Variants in SPATA6L observed in about 807,000 individuals in gnomAD.
SPATA6L encodes spermatogenesis associated 6-like protein.
Under a neutral mutation model 49.2 loss-of-function variants are expected in SPATA6L, and 68 were observed. The observed-to-expected ratio is 1.38, with a 90% confidence interval of 1.14 to 1.69. The LOEUF (loss-of-function observed/expected upper bound fraction) is 1.69, where lower values mean the gene tolerates loss of function less well. Ranked by LOEUF, SPATA6L falls within the 40% of genes most tolerant of loss-of-function variation. SPATA6L has a pLI of 0.00. For missense variants in SPATA6L, 668 were observed against 464.3 expected (o/e 1.44, Z -4.03); for synonymous variants, 198 against 165.7 (o/e 1.19, Z -1.50).
At chr9:4,606,922 G>A (rs1394330505) in intron 9 of SPATA6L, among the ~76,000 whole-genome samples, 1 of 142,706 alleles carries the variant, frequency 7.0e-6, no homozygotes, top group Non-Finnish European at 1.5e-5. Flanking sequence ...TGTATAACTA[G>A]AATAATCAAT....
At chr9:4,607,476 T>TG (rs1354289509) in intron 9 of SPATA6L, among the ~76,000 whole-genome samples, 2 of 151,860 alleles carry the variant, frequency 1.3e-5, no homozygotes, top group African/African-American at 4.8e-5. Flanking sequence ...CAGAAGAGAG[T>TG]GGGGGCCAAT....
At chr9:4,594,534 AC>A (rs1311410721), downstream of SPATA6L, among the ~76,000 whole-genome samples, 1 of 152,090 alleles carries the variant, frequency 6.6e-6, no homozygotes, top group African/African-American at 2.4e-5. Context: ...TTTAAAAATC[AC>A]CATTATTTCC....
At chr9:4,630,098 A>G (rs1831219268) in intron 4 of SPATA6L, among the ~76,000 whole-genome samples, 1 of 152,042 alleles carries the variant, frequency 6.6e-6, no homozygotes. Flanking sequence ...CATTCTCAAA[A>G]AAACAAAACT....
intron 7 of SPATA6L, among the ~76,000 whole-genome samples, chr9:4,620,336 C>G (rs747780204): frequency 2.0e-5 from 3 of 152,178 alleles, no homozygotes; most frequent in Non-Finnish European, 4.4e-5. Context: ...CTCCTTCCTA[C>G]CGGTTTTGAG....
chr9:4,599,350 T>C lies in SPATA6L; in HGVS notation c.*1461A>G, dbSNP rs1822701005. 6.6e-6 allele frequency among the ~76,000 whole-genome samples: 1 copy of C among 152,242 alleles called. No individual in the cohort carries two copies. The highest frequency in any genetic ancestry group is 1.5e-5 in the Non-Finnish European group (1 of 68,032). On this transcript the variant is annotated 3_prime_UTR_variant, in exon 12 of 12. Transcript: ENST00000682582. The stretch of plus-strand genomic sequence containing the variant: ...AAGAGGATAAATGAATTTTGTTTTG[T>C]TGTTTTTGTTTTTGGAGTTCCTTTT...
chr9:4,663,333 G>T, intron 1 of SPATA6L: 1 of 1,494,422 alleles, frequency 6.7e-7, no homozygotes, highest in Non-Finnish European at 9.2e-7. Flanking sequence ...ACCTAAACCA[G>T]CAGCCATCCC....
At chr9:4,628,164 AGAAT>A (rs903690369) in intron 5 of SPATA6L, 13 of 209,378 alleles carry the variant, frequency 6.2e-5, no homozygotes, top group African/African-American at 2.9e-4. Flanking sequence ...AAAAATACAA[AGAAT>A]GAATAAGATC....
intron 3 of SPATA6L, among the ~76,000 whole-genome samples, chr9:4,654,888 G>C (rs1261289797): frequency 1.3e-5 from 2 of 152,160 alleles, no homozygotes; most frequent in African/African-American, 4.8e-5. Flanking sequence ...AGGAGTGCCT[G>C]TCCTCACCTA....
chr9:4,657,240 A>C (rs758954901), intron 2 of SPATA6L, among the ~76,000 whole-genome samples: 5 of 152,152 alleles, frequency 3.3e-5, no homozygotes, highest in Non-Finnish European at 7.3e-5. Context: ...CATATAATCA[A>C]TTTTTGTCCT....
intron 9 of SPATA6L, among the ~76,000 whole-genome samples, chr9:4,612,300 A>C (rs879769749): frequency 6.6e-6 from 1 of 152,156 alleles, no homozygotes; most frequent in Non-Finnish European, 1.5e-5. Flanking sequence ...TCCTACCACC[A>C]GGACTTTATC....
intron 3 of SPATA6L, among the ~76,000 whole-genome samples, chr9:4,640,057 G>T (rs1833703986): frequency 6.6e-6 from 1 of 152,198 alleles, no homozygotes; most frequent in African/African-American, 2.4e-5. Flanking sequence ...TGCTATAAAA[G>T]CACTGCTATA....
At chr9:4,615,774 C>T (rs925836081) in intron 9 of SPATA6L, among the ~76,000 whole-genome samples, 2 of 152,156 alleles carry the variant, frequency 1.3e-5, no homozygotes, top group African/African-American at 4.8e-5. Context: ...CCATTGCCCC[C>T]AACAGTTGCC....
intron 3 of SPATA6L, among the ~76,000 whole-genome samples, chr9:4,644,337 T>G (rs1834797769): frequency 1.3e-5 from 2 of 151,460 alleles, no homozygotes; most frequent in Admixed American, 6.6e-5. Context: ...AGTGAGATCT[T>G]GTCTCAAAAA....
intron 7 of SPATA6L, among the ~76,000 whole-genome samples, chr9:4,620,699 C>T (rs142299614): frequency 6.6e-6 from 1 of 152,300 alleles, no homozygotes; most frequent in East Asian, 1.9e-4. Flanking sequence ...GTGACCTTTA[C>T]ACACATTGTA....
intron 3 of SPATA6L, among the ~76,000 whole-genome samples, chr9:4,639,644 T>C (rs954919561): frequency 3.3e-5 from 5 of 152,210 alleles, no homozygotes; most frequent in Non-Finnish European, 5.9e-5. Flanking sequence ...ACAAGTCTTA[T>C]AGGTCAAGGG....
At chr9:4,639,056 A>T (rs1833471804) in intron 3 of SPATA6L, among the ~76,000 whole-genome samples, 1 of 152,132 alleles carries the variant, frequency 6.6e-6, no homozygotes, top group South Asian at 2.1e-4. Flanking sequence ...TCTTCAAGAA[A>T]ATGTAAAAAC....
At chr9:4,589,552 T>A (rs2129929258) in intron 13 of SPATA6L, among the ~76,000 whole-genome samples, 1 of 152,324 alleles carries the variant, frequency 6.6e-6, no homozygotes, top group East Asian at 1.9e-4. Context: ...TCAAACTTAA[T>A]TTTTTCTATA....
chr9:4,648,692 C>T (rs1475568571), intron 3 of SPATA6L, among the ~76,000 whole-genome samples: 2 of 60,906 alleles, frequency 3.3e-5, no homozygotes, highest in Non-Finnish European at 6.0e-5. Flanking sequence ...AGAGCGAGAC[C>T]CCGTCTCGAA....
At chr9:4,653,173 T>C (rs749429991) in intron 3 of SPATA6L, among the ~76,000 whole-genome samples, 10 of 152,200 alleles carry the variant, frequency 6.6e-5, no homozygotes, top group African/African-American at 1.2e-4. Context: ...TATGAATCAA[T>C]AGAATAGAAC....
Sources: gnomAD v4.1 joint callset for allele counts (sites outside exome capture counted in the v4.1 genomes callset) on GRCh38, gnomAD v4.1.1 for gene constraint, MANE v1.5 for transcripts, NCBI Gene and HGNC (gene_info 2026-07-23, HGNC 2026-07-21) for gene names.